The following CAST variants were observed in gnomAD, a reference collection of about 807,000 sequenced individuals.
The protein encoded by CAST is calpastatin.
A neutral mutation model predicts 119.6 loss-of-function variants in CAST; 76 were observed. That is an observed-to-expected ratio of 0.64 (90% CI 0.53 to 0.77). The LOEUF (loss-of-function observed/expected upper bound fraction) is 0.77, where lower values mean the gene tolerates loss of function less well. CAST is among the 30% of genes least tolerant of loss of function. The pLI, the probability that CAST is intolerant of heterozygous loss-of-function variation, is 0.00. For missense variants in CAST, 953 were observed against 946.5 expected, an observed-to-expected ratio of 1.01 and a Z score of -0.09; for synonymous variants, 319 against 331.6, an observed-to-expected ratio of 0.96 and a Z score of 0.41.
intron 1 of CAST, among the ~76,000 whole-genome samples, chr5:96,618,274 A>G (rs1353714542): frequency 2.0e-5 from 3 of 152,364 alleles, no homozygotes; most frequent in South Asian, 4.1e-4. Context: ...ATAATGTAAC[A>G]GAGCTTTGCA....
chr5:96,064,779 T>C, the CAST span, among the ~76,000 whole-genome samples: 1 of 152,332 alleles, frequency 6.6e-6, no homozygotes, highest in Non-Finnish European at 1.5e-5. Flanking sequence ...TAGTCTTTCG[T>C]AGAAAGGTAT....
intron 3 of CAST, among the ~76,000 whole-genome samples, chr5:96,718,531 CT>C (rs1272023187): frequency 6.6e-6 from 1 of 150,720 alleles, no homozygotes; most frequent in African/African-American, 2.4e-5. Context: ...ACATGTGCCC[CT>C]GAACCTAAAA....
the CAST span, among the ~76,000 whole-genome samples, chr5:96,173,219 A>G: frequency 4.6e-5 from 7 of 152,180 alleles, no homozygotes; most frequent in African/African-American, 1.7e-4. Flanking sequence ...AGCAACTAAG[A>G]TCTACTGCAC....
intron 1 of CAST, among the ~76,000 whole-genome samples, chr5:96,629,168 G>T (rs957670160): frequency 6.6e-6 from 1 of 152,206 alleles, no homozygotes; most frequent in East Asian, 1.9e-4. Flanking sequence ...GATCAATGTT[G>T]TTATCCTGGG....
chr5:96,230,097 C>T, the CAST span, among the ~76,000 whole-genome samples: 1 of 151,748 alleles, frequency 6.6e-6, no homozygotes, highest in Non-Finnish European at 1.5e-5. Context: ...GACAAGTGAC[C>T]AAGCCTACAT....
chr5:96,503,634 A>T, the CAST span, among the ~76,000 whole-genome samples: 2 of 152,168 alleles, frequency 1.3e-5, no homozygotes, highest in African/African-American at 4.8e-5. Flanking sequence ...TCACAGTCTG[A>T]AGTGCCAGTG....
the CAST span, among the ~76,000 whole-genome samples, chr5:96,256,566 C>T: frequency 1.3e-4 from 19 of 151,526 alleles, no homozygotes; most frequent in Non-Finnish European, 1.3e-4. Flanking sequence ...CAAATCTGTA[C>T]AGCATGTTAC....
At chr5:96,265,003 G>A in the CAST span, among the ~76,000 whole-genome samples, 1 of 152,120 alleles carries the variant, frequency 6.6e-6, no homozygotes, top group Non-Finnish European at 1.5e-5. Flanking sequence ...CATGTATTTA[G>A]GTGAATGTAT....
At chr5:95,990,080 G>C in the CAST span, among the ~76,000 whole-genome samples, 2 of 152,010 alleles carry the variant, frequency 1.3e-5, no homozygotes, top group African/African-American at 4.8e-5. Context: ...CCATTTTCCA[G>C]ATTCTAGAGC....
the CAST span, among the ~76,000 whole-genome samples, chr5:96,358,371 AG>A: frequency 6.6e-6 from 1 of 152,108 alleles, no homozygotes; most frequent in Non-Finnish European, 1.5e-5. Context: ...GTCTTCTGCT[AG>A]CTTTTGAATT....
At chr5:96,677,920 T>G (rs933344425) in intron 2 of CAST, among the ~76,000 whole-genome samples, 1 of 152,208 alleles carries the variant, frequency 6.6e-6, no homozygotes, top group African/African-American at 2.4e-5. Flanking sequence ...GGTGACTTGG[T>G]AGTCAGGGTA....
intron 1 of CAST, among the ~76,000 whole-genome samples, chr5:96,596,066 G>A (rs1162354803): frequency 6.6e-6 from 1 of 152,182 alleles, no homozygotes; most frequent in African/African-American, 2.4e-5. Context: ...ATGGTAGGCT[G>A]AATCATGCCT....
chr5:96,380,776 T>C, the CAST span, among the ~76,000 whole-genome samples: 1 of 152,212 alleles, frequency 6.6e-6, no homozygotes, highest in African/African-American at 2.4e-5. Context: ...AATTATTGTA[T>C]GATGAAATGT....
At position 96,753,752 on chromosome 5, in the gene CAST, A is replaced by G. The variant is rs560096348; in HGVS notation, c.1525-308A>G. Among the ~76,000 whole-genome samples the G allele has an allele frequency of 6.6e-5, 10 of 152,286 alleles. No homozygotes were observed. The South Asian group carries it at 1.9e-3, about 28-fold the overall frequency. On this transcript the variant is annotated intron_variant, in intron 20 of 31. Coordinates refer to ENST00000675179, the MANE Select transcript of CAST (RefSeq NM_001750.7). ...GACCACGTCTTTCTTTTTTCCTGGT[A>G]TGCAACTTATCTGTGATACACCTCA...
the CAST span, among the ~76,000 whole-genome samples, chr5:96,030,748 T>C: frequency 1.5e-4 from 23 of 152,134 alleles, no homozygotes; most frequent in Non-Finnish European, 2.4e-4. Flanking sequence ...CCTAATACTT[T>C]CAAAAACCAT....
intron 1 of CAST, chr5:96,631,028 C>G (rs1270055278): frequency 1.4e-5 from 2 of 140,780 alleles, no homozygotes; most frequent in Non-Finnish European, 3.2e-5. Flanking sequence ...TATCCTTCAG[C>G]TAGAATATAT....
chr5:96,550,145 C>G (rs191877865), intron 1 of CAST, among the ~76,000 whole-genome samples: 57 of 152,346 alleles, frequency 3.7e-4, no homozygotes, highest in African/African-American at 1.3e-3. Context: ...CTGGGAGACA[C>G]CTCCCAGTAG....
At position 96,695,086 on chromosome 5, in the gene CAST, G is replaced by C. The variant is rs139913496; in HGVS notation, c.139-750G>C. 4.4e-3 allele frequency among the ~76,000 whole-genome samples: 670 copies of C among 152,254 alleles called. 2 individuals are homozygous for C. The highest frequency in any genetic ancestry group is 6.8e-3 in the Middle Eastern group (2 of 294). On this transcript the variant is annotated intron_variant, in intron 2 of 31. Transcript: ENST00000675179. ...TAGGTAGGTAAGAGATTGGAGTCTG[G>C]AGCAGATATCCTGCCTTTTACTAAC...
At chr5:96,418,737 C>CT in the CAST span, among the ~76,000 whole-genome samples, 1 of 152,116 alleles carries the variant, frequency 6.6e-6, no homozygotes, top group Admixed American at 6.6e-5. Flanking sequence ...GAAGGCAAAT[C>CT]TACTTTTTAT....
Sources: allele counts gnomAD v4.1 joint callset (sites outside exome capture counted in the v4.1 genomes callset), GRCh38; gene constraint gnomAD v4.1.1; transcripts MANE v1.5; gene names NCBI Gene and HGNC (gene_info 2026-07-23, HGNC 2026-07-21).